The following TMPRSS13 variants were observed in gnomAD, a reference collection of about 807,000 sequenced individuals.
TMPRSS13 encodes the protein transmembrane protease serine 13.
In TMPRSS13, 50 loss-of-function variants were observed where a neutral mutation model predicts 68.4. The ratio of observed to expected loss-of-function variants is 0.73; its 90% CI spans 0.58 to 0.93. The LOEUF is 0.93. TMPRSS13 is among the 40% of genes least tolerant of loss of function. The pLI, the probability that TMPRSS13 is intolerant of heterozygous loss-of-function variation, is 0.00. For missense variants in TMPRSS13, 615 were observed against 729.2 expected (o/e 0.84, Z 1.80); for synonymous variants, 267 against 285.8 (o/e 0.93, Z 0.66).
In TMPRSS13 at chr11:117,909,934, C is replaced by A. The variant is rs1285481217; in HGVS notation, c.981G>T (p.Val327=). The A allele has an allele frequency of 6.2e-7, 1 of 1,614,198 alleles. No homozygotes were observed. Among genetic ancestry groups the A allele is most frequent in the East Asian group, 2.2e-5 (1 of 44,882 alleles). The change falls in exon 8 of 13, where the codon GTG becomes GTT. Residue 327 remains valine (V), a synonymous_variant. Transcript: ENST00000524993. ...CGLRAMTGRI[V]GGALASDSKW... Reference sequence around the variant, plus strand: ...TGCTATCCGAGGCCAGCGCCCCTCCCACGATCCGCCCGGTCATGGCCCTCA... The same window carrying A: ...TGCTATCCGAGGCCAGCGCCCCTCCAACGATCCGCCCGGTCATGGCCCTCA...
chr11:117,907,861 G>T lies in TMPRSS13; in HGVS notation c.1282+751C>A, dbSNP rs540394726. The T allele has an allele frequency of 1.4e-4, 138 of 983,624 alleles. 1 individual carries two copies. In the African/African-American group the frequency reaches 2.4e-3, roughly 17 times the overall value. 60.9% of individuals were successfully genotyped at this position (983,624 alleles called of 1,614,324 possible). On this transcript the variant is annotated intron_variant, in intron 9 of 12. Transcript: ENST00000524993. The stretch of plus-strand genomic sequence containing the variant: ...CTATAGGGCTGGCCATATAGTATTT[G>T]ATAAGTGAACAAATGAGTGAATGGA...
rs2057559215 is a variant in TMPRSS13, at chr11:117,914,773, CAG to C, written c.557-261_557-260del. On this transcript the variant is annotated intron_variant, in intron 3 of 12. Coordinates refer to ENST00000524993, the MANE Select transcript of TMPRSS13 (RefSeq NM_001077263.3). This position sits in a 1 kb window ranked among gnomAD's most constrained non-coding sequence, Gnocchi z 4.2. ...AAAGAGAGAGAAAGAGAGAGAGAGACAGAGAGTGCTGTGGAGATGGGGACCAC... is the reference window on the plus strand; with the variant it reads ...AAAGAGAGAGAAAGAGAGAGAGAGACAGAGTGCTGTGGAGATGGGGACCAC... Among the ~76,000 whole-genome samples, 3 of 152,054 alleles carry C rather than the reference CAG, an allele frequency of 2.0e-5. No homozygotes were observed. Among genetic ancestry groups the C allele is most frequent in the Admixed American group, 2.0e-4 (3 of 15,264 alleles).
chr11:117,928,454 C>T (rs750301759), intron 1 of TMPRSS13, among the ~76,000 whole-genome samples: 6 of 152,222 alleles, frequency 3.9e-5, no homozygotes, highest in Non-Finnish European at 8.8e-5. Context: ...AAACCCAGTG[C>T]TAGCCCATTC....
At chr11:117,910,403 G>A (rs942050464) in intron 7 of TMPRSS13, among the ~76,000 whole-genome samples, 2 of 152,166 alleles carry the variant, frequency 1.3e-5, no homozygotes, top group African/African-American at 4.8e-5. Context: ...GCATTATAAT[G>A]AGGGTCTCTA....
intron 8 of TMPRSS13, among the ~76,000 whole-genome samples, chr11:117,909,038 G>A (rs2057493410): frequency 6.6e-6 from 1 of 151,412 alleles, no homozygotes; most frequent in Non-Finnish European, 1.5e-5. Flanking sequence ...CCTCTGTGTG[G>A]CACTCCCCCC....
rs998269853 is a variant in TMPRSS13, at chr11:117,915,368, C to T, written c.557-854G>A. ...CTCAGCCCCACCCCTTGCTTCTCCTCCGGGGCCCACTGTGCTCTCCATCAC... is the reference window on the plus strand; with the variant it reads ...CTCAGCCCCACCCCTTGCTTCTCCTTCGGGGCCCACTGTGCTCTCCATCAC... On this transcript the variant is annotated intron_variant, in intron 3 of 12. Transcript: ENST00000524993. The surrounding 1 kb of genome is among the most constrained non-coding windows in gnomAD (Gnocchi z 4.9). Among the ~76,000 whole-genome samples, 8 of 152,210 alleles carry T rather than the reference C, an allele frequency of 5.3e-5. No individual in the cohort carries two copies. The highest frequency in any genetic ancestry group is 1.0e-4 in the Non-Finnish European group (7 of 68,034).
chr11:117,902,509 G>A (rs1002068946), intron 12 of TMPRSS13, among the ~76,000 whole-genome samples: 1 of 152,214 alleles, frequency 6.6e-6, no homozygotes, highest in African/African-American at 2.4e-5. Flanking sequence ...GAGAAGGGGA[G>A]GGCTGGCAGA....
chr11:117,914,632 G>A lies in TMPRSS13; in HGVS notation c.557-118C>T. 1 of 1,520,974 alleles carries A rather than the reference G, an allele frequency of 6.6e-7. No individual in the cohort carries two copies. The highest frequency in any genetic ancestry group is 8.8e-7 in the Non-Finnish European group (1 of 1,132,978). 94.2% of individuals were successfully genotyped at this position (1,520,974 alleles called of 1,614,324 possible). On this transcript the variant is annotated intron_variant, in intron 3 of 12. Coordinates refer to ENST00000524993, the MANE Select transcript of TMPRSS13 (RefSeq NM_001077263.3). The surrounding 1 kb of genome is among the most constrained non-coding windows in gnomAD (Gnocchi z 4.2). Reference sequence around the variant, plus strand: ...ACCTGCAATCCCTCTTGAACTCTGGGGCTCTCATCCCCCATCTGTATGGAG... The same window carrying A: ...ACCTGCAATCCCTCTTGAACTCTGGAGCTCTCATCCCCCATCTGTATGGAG...
At position 117,913,771 on chromosome 11, in the gene TMPRSS13, G is replaced by T. The variant is rs753670381; in HGVS notation, c.809+6C>A. On this transcript the variant is annotated splice_donor_region_variant and intron_variant, in intron 5 of 12. Transcript: ENST00000524993. ...GCCTGGACTCTGGGGCCAGGTTGGG[G>T]GTTACCTCTCGAAACCCAGCTGCTG... is the stretch of plus-strand genomic sequence containing the variant. 6 of 1,613,804 alleles carry T rather than the reference G, an allele frequency of 3.7e-6. No homozygotes were observed. In the South Asian group the frequency reaches 5.5e-5, roughly 15 times the overall value.
chr11:117,904,185 C>T (rs752997657), intron 10 of TMPRSS13, 84 bp from the exon 11 acceptor site: 29 of 1,515,154 alleles, frequency 1.9e-5, no homozygotes, highest in Middle Eastern at 4.2e-4. Flanking sequence ...GCTGCCACCC[C>T]AAGACCCAGA....
chr11:117,907,806 T>G, intron 9 of TMPRSS13: 1 of 985,370 alleles, frequency 1.0e-6, no homozygotes, highest in African/African-American at 1.7e-5. Flanking sequence ...CTGGTCGTCT[T>G]GGTGTATTTT....
intron 12 of TMPRSS13, among the ~76,000 whole-genome samples, chr11:117,902,650 C>G (rs1379576698): frequency 6.6e-6 from 1 of 152,248 alleles, no homozygotes; most frequent in African/African-American, 2.4e-5. Flanking sequence ...CCTCCCATCA[C>G]TCCACTGCCA....
In TMPRSS13 at chr11:117,917,218, C is replaced by T. The variant is rs779771730; in HGVS notation, c.508G>A (p.Gly170Arg). 8 of 1,612,904 alleles carry T rather than the reference C, an allele frequency of 5.0e-6. No individual in the cohort carries two copies. Among genetic ancestry groups the T allele is most frequent in the African/African-American group, 2.7e-5 (2 of 74,912 alleles). The change falls in exon 3 of 13, where the codon GGG (glycine) becomes AGG (arginine). Residue 170 changes from glycine to arginine, a missense_variant. Transcript: ENST00000524993. ...AGGGCAATGAGGAGGAGCACGCACCCGATGAGCGGTAGCTGCTTCTGGCCC... is the reference window on the plus strand; with the variant it reads ...AGGGCAATGAGGAGGAGCACGCACCTGATGAGCGGTAGCTGCTTCTGGCCC... ...REGQKQLPLIGCVLLLIALVV... is the reference protein window; with the variant it reads ...REGQKQLPLIRCVLLLIALVV...
intron 5 of TMPRSS13, 38 bp downstream of exon 5, chr11:117,913,739 C>CCCTGAAGCCTGGACTCTGGGG (rs1427822006): frequency 1.2e-6 from 2 of 1,609,474 alleles, no homozygotes. Context: ...CCTGAGACAT[C>CCCTGAAGCCTGGACTCTGGGG]CCTGAAGCCT....
intron 2 of TMPRSS13, among the ~76,000 whole-genome samples, chr11:117,918,197 AC>A (rs1486777251): frequency 6.6e-6 from 1 of 151,216 alleles, no homozygotes; most frequent in Non-Finnish European, 1.5e-5. Context: ...CTTATCACCT[AC>A]CCCCTTTGCC....
intron 9 of TMPRSS13, chr11:117,907,972 C>G (rs1473709968): frequency 1.0e-6 from 1 of 988,100 alleles, no homozygotes; most frequent in Non-Finnish European, 1.2e-6. Context: ...ACCTCTGCAG[C>G]ATTTCCTTTG....
In TMPRSS13 at chr11:117,918,850, T is replaced by C; in HGVS notation, c.22-12A>G. On this transcript the variant is annotated splice_polypyrimidine_tract_variant and intron_variant, in intron 1 of 12. Transcript: ENST00000524993. ...GCTGGAGATGCATTCTGAAAGCAGA[T>C]CGAAGAGTATCCCACAGGCTGCTCC... The C allele has an allele frequency of 6.2e-7, 1 of 1,612,306 alleles. No homozygotes were observed. Among genetic ancestry groups the C allele is most frequent in the Non-Finnish European group, 8.5e-7 (1 of 1,179,810 alleles).
chr11:117,923,622 C>T lies in TMPRSS13; in HGVS notation c.22-4784G>A, dbSNP rs74800589. ...TGAACCACCCTATAAAAAGCTCTCC[C>T]GCAATTGAACAATGAGAACACTTGG... On this transcript the variant is annotated intron_variant, in intron 1 of 12. Coordinates refer to ENST00000524993, the MANE Select transcript of TMPRSS13 (RefSeq NM_001077263.3). Among the ~76,000 whole-genome samples the T allele has an allele frequency of 5.2e-4, 79 of 152,102 alleles. 1 individual carries two copies. Among genetic ancestry groups the T allele is most frequent in the Non-Finnish European group, 5.4e-4 (37 of 67,988 alleles).
At chr11:117,924,365 C>T (rs990543501) in intron 1 of TMPRSS13, among the ~76,000 whole-genome samples, 2 of 152,122 alleles carry the variant, frequency 1.3e-5, no homozygotes. Context: ...TGCTCTTCCC[C>T]TCTCTGTCCC....
Sources: allele counts gnomAD v4.1 joint callset (sites outside exome capture counted in the v4.1 genomes callset), GRCh38; gene constraint gnomAD v4.1.1; non-coding constraint Gnocchi (gnomAD v3.1); transcripts MANE v1.5; gene names NCBI Gene and HGNC (gene_info 2026-07-23, HGNC 2026-07-21).